BANP: variants seen among roughly 807,000 people sequenced by gnomAD.
The protein encoded by BANP is protein BANP.
Under a neutral mutation model 68.1 loss-of-function variants are expected in BANP, and 11 were observed. The observed-to-expected ratio is 0.16, with a 90% CI of 0.10 to 0.27. BANP has a LOEUF of 0.27. Among genes scored for constraint, BANP ranks in the 10% least tolerant of loss-of-function variants. The probability of loss-of-function intolerance (pLI) is 1.00; values close to 1 mark genes in which losing one functional copy is unlikely to be tolerated. For missense variants in BANP, 504 were observed against 722.7 expected, an observed-to-expected ratio of 0.70 and a Z score of 3.47; for synonymous variants, 329 against 303.2, an observed-to-expected ratio of 1.09 and a Z score of -0.88.
chr16:87,975,343 TC>T, intron 2 of BANP, 158 bp downstream of exon 2: 1 of 726,416 alleles, frequency 1.4e-6, no homozygotes, highest in Non-Finnish European at 2.3e-6. Flanking sequence ...TGTCGGCCCC[TC>T]CCTTCCCTCG....
chr16:88,001,681 T>A (rs1170239832), intron 4 of BANP, among the ~76,000 whole-genome samples: 1 of 152,220 alleles, frequency 6.6e-6, no homozygotes, highest in Non-Finnish European at 1.5e-5. Flanking sequence ...TTTATTTTTT[T>A]AATTTTTCCA....
intron 4 of BANP, among the ~76,000 whole-genome samples, chr16:87,990,731 A>G (rs2065685734): frequency 6.6e-6 from 1 of 152,124 alleles, no homozygotes; most frequent in Non-Finnish European, 1.5e-5. Context: ...TGACTGGTCT[A>G]TACTACCTTG....
At chr16:87,994,184 A>T (rs1449015365) in intron 4 of BANP, among the ~76,000 whole-genome samples, 1 of 152,202 alleles carries the variant, frequency 6.6e-6, no homozygotes, top group East Asian at 1.9e-4. Context: ...GTTGCCTAGG[A>T]GCCCCGCATC....
Position 87,975,113 on chromosome 16 carries a change from T to C in BANP, c.-3T>C, listed in dbSNP as rs762685633. ...TGTTGACCGGCCACTCTCCGTGCTC[T>C]GGATGATGTCGGAACACGACCTGGC... On this transcript the variant is annotated 5_prime_UTR_variant, in exon 2 of 14. Coordinates refer to ENST00000682872, the MANE Select transcript of BANP (RefSeq NM_001386991.1). 7.4e-6 allele frequency: 12 copies of C among 1,613,950 alleles called. 1 individual carries two copies. The highest frequency in any genetic ancestry group is 1.0e-5 in the Non-Finnish European group (12 of 1,179,874).
chr16:88,076,995 A>C lies in BANP; in HGVS notation c.*334A>C, dbSNP rs1442814982. ...TTTTTAATTTGCTATGGTGTTTATA[A>C]CAAAAAAGAAAATTTGAAAAAAAAA... is the stretch of plus-strand genomic sequence containing the variant. On this transcript the variant is annotated 3_prime_UTR_variant, in exon 14 of 14. Coordinates refer to ENST00000682872, the MANE Select transcript of BANP (RefSeq NM_001386991.1). 1 of 259,506 alleles carries C rather than the reference A, an allele frequency of 3.9e-6. No individual in the cohort carries two copies. Among genetic ancestry groups the C allele is most frequent in the Non-Finnish European group, 7.4e-6 (1 of 134,726 alleles). 16.1% of individuals were successfully genotyped at this position (259,506 alleles called of 1,614,324 possible). A position where few individuals can be genotyped will look rare whatever the true frequency, so the allele number is the denominator to read the frequency against.
rs545199594 is a variant in BANP at position 88,065,720 on chromosome 16, G to A, written c.1377+388G>A. On this transcript the variant is annotated intron_variant, in intron 12 of 13. Transcript: ENST00000682872. ...GAACTGGTCAACCTAGGAGGGAGGAGAGCAGGGACCGGCTCTGCTTTTGTT... is the reference window on the plus strand; with the variant it reads ...GAACTGGTCAACCTAGGAGGGAGGAAAGCAGGGACCGGCTCTGCTTTTGTT... 9.8e-5 allele frequency among the ~76,000 whole-genome samples: 15 copies of A among 152,286 alleles called. No individual in the cohort carries two copies. In the South Asian group the frequency reaches 3.1e-3, roughly 32 times the overall value.
chr16:88,041,285 G>C (rs924668666), intron 11 of BANP, among the ~76,000 whole-genome samples: 39 of 152,192 alleles, frequency 2.6e-4, no homozygotes, highest in African/African-American at 8.4e-4. Context: ...CGGGGCGACG[G>C]GTTTGAGGCC....
chr16:88,056,445 G>T (rs1226228794), intron 11 of BANP, among the ~76,000 whole-genome samples: 1 of 147,812 alleles, frequency 6.8e-6, no homozygotes, highest in Non-Finnish European at 1.5e-5. Context: ...GTTTGGCTGG[G>T]AAGCGTATTC....
In BANP at chr16:88,001,315, T is replaced by C. The variant is rs199817393; in HGVS notation, c.363-2980T>C. Among the ~76,000 whole-genome samples, 17 of 83,042 alleles carry C rather than the reference T, an allele frequency of 2.0e-4. 1 individual carries two copies. Among genetic ancestry groups the C allele is most frequent in the South Asian group, 7.3e-4 (2 of 2,748 alleles). 54.5% of individuals were successfully genotyped at this position (83,042 alleles called of 152,430 possible). ...ATGCACGCACGTGCGCGGCTAGACTTACCTGTCCTTCCAGATACCCAGACA... is the reference window on the plus strand; with the variant it reads ...ATGCACGCACGTGCGCGGCTAGACTCACCTGTCCTTCCAGATACCCAGACA... On this transcript the variant is annotated intron_variant, in intron 4 of 13. Coordinates refer to ENST00000682872, the MANE Select transcript of BANP (RefSeq NM_001386991.1).
intron 8 of BANP, among the ~76,000 whole-genome samples, chr16:88,028,903 C>T (rs2077530843): frequency 6.6e-6 from 1 of 152,202 alleles, no homozygotes; most frequent in Non-Finnish European, 1.5e-5. Context: ...TTTTACAGTG[C>T]CTGTCTCTAG....
chr16:88,014,155 G>C (rs944967540), intron 6 of BANP, among the ~76,000 whole-genome samples: 1 of 152,216 alleles, frequency 6.6e-6, no homozygotes, highest in African/African-American at 2.4e-5. Context: ...GTTGAGGCCT[G>C]GACGAGGCCA....
chr16:87,976,304 C>G lies in BANP; in HGVS notation c.70+1119C>G, dbSNP rs373437196. Among the ~76,000 whole-genome samples, 192 of 152,190 alleles carry G rather than the reference C, an allele frequency of 1.3e-3. 1 individual carries two copies. The highest frequency in any genetic ancestry group is 4.5e-3 in the African/African-American group (186 of 41,512). Reference sequence around the variant, plus strand: ...GCTTGAGAACAAGTTTTTTCTACACCTTTGCTAAGGCTGGTATCTTTTAAA... The same window carrying G: ...GCTTGAGAACAAGTTTTTTCTACACGTTTGCTAAGGCTGGTATCTTTTAAA... On this transcript the variant is annotated intron_variant, in intron 2 of 13. Transcript: ENST00000682872.
intron 6 of BANP, among the ~76,000 whole-genome samples, chr16:88,009,296 G>T (rs1282724664): frequency 1.3e-5 from 2 of 151,956 alleles, no homozygotes; most frequent in Non-Finnish European, 2.9e-5. Flanking sequence ...GGGTGTGCTT[G>T]TCTTTCTATT....
chr16:88,076,237 G>A (rs1003913672), intron 13 of BANP, among the ~76,000 whole-genome samples: 11 of 152,222 alleles, frequency 7.2e-5, no homozygotes, highest in Non-Finnish European at 1.5e-4. Flanking sequence ...ATATCTTCGG[G>A]AGGGCCAGGA....
chr16:88,004,183 C>G lies in BANP; in HGVS notation c.363-112C>G, dbSNP rs369579591. 10 of 727,352 alleles carry G rather than the reference C, an allele frequency of 1.4e-5. No individual in the cohort carries two copies. Among genetic ancestry groups the G allele is most frequent in the Admixed American group, 2.0e-5 (1 of 49,206 alleles). 45.1% of individuals were successfully genotyped at this position (727,352 alleles called of 1,614,324 possible). On this transcript the variant is annotated intron_variant, in intron 4 of 13. Coordinates refer to ENST00000682872, the MANE Select transcript of BANP (RefSeq NM_001386991.1). This position sits in a 1 kb window ranked among gnomAD's most constrained non-coding sequence, Gnocchi z 7.0. ...ATGTTGAATGACTCTTAGGCCTCCC[C>G]CTCAGTGCGGGTCCCTGGGAGTGGA...
At position 87,975,190 on chromosome 16, in the gene BANP, A is replaced by G. The variant is rs781037194; in HGVS notation, c.70+5A>G. 3 of 1,613,982 alleles carry G rather than the reference A, an allele frequency of 1.9e-6. No individual in the cohort carries two copies. In the East Asian group the frequency reaches 6.7e-5, roughly 36 times the overall value. On this transcript the variant is annotated splice_donor_5th_base_variant and intron_variant, in intron 2 of 13. Coordinates refer to ENST00000682872, the MANE Select transcript of BANP (RefSeq NM_001386991.1). ...ACCTGAGCCCTGACCACCCAGGTAC[A>G]GAGCTGTGGGACAGTAGGTGAAATA...
chr16:87,973,043 T>TG (rs1313565321), intron 1 of BANP, among the ~76,000 whole-genome samples: 2 of 152,092 alleles, frequency 1.3e-5, no homozygotes, highest in East Asian at 1.9e-4. Context: ...TGCTTGTGTT[T>TG]GGGGTTCTTG....
intron 1 of BANP, among the ~76,000 whole-genome samples, chr16:87,956,282 A>T (rs190918249): frequency 6.6e-6 from 1 of 152,364 alleles, no homozygotes; most frequent in Admixed American, 6.5e-5. Flanking sequence ...TTTTGAAGGA[A>T]AGACTTCTTG....
At chr16:88,021,629 T>A (rs958301654) in intron 7 of BANP, among the ~76,000 whole-genome samples, 3 of 152,212 alleles carry the variant, frequency 2.0e-5, no homozygotes, top group Non-Finnish European at 4.4e-5. Flanking sequence ...TGGCCCAGTT[T>A]CATTCTTATT....
Sources: gnomAD v4.1 joint callset for allele counts (sites outside exome capture counted in the v4.1 genomes callset) on GRCh38, gnomAD v4.1.1 for gene constraint, Gnocchi (gnomAD v3.1) non-coding constraint, MANE v1.5 for transcripts, NCBI Gene and HGNC (gene_info 2026-07-23, HGNC 2026-07-21) for gene names.